CDKN2B-AS1: variants seen among roughly 807,000 people sequenced by gnomAD.
CDKN2B-AS1 encodes the protein CDKN2B and CDKN2A antisense cis and trans regulatory RNA 1.
intron 1 of CDKN2B-AS1, among the ~76,000 whole-genome samples, chr9:22,017,772 C>G (rs1407111364): frequency 6.7e-6 from 1 of 149,676 alleles, no homozygotes; most frequent in Non-Finnish European, 1.5e-5. Flanking sequence ...AACAAAGGAA[C>G]CTTTTAAAGT....
rs1820645139 is a variant in CDKN2B-AS1 at position 21,995,824 on chromosome 9, C to T, written n.29+663C>T. On this transcript the variant is annotated intron_variant and non_coding_transcript_variant, in intron 1 of 4. Coordinates refer to ENST00000650946, the Ensembl canonical transcript of CDKN2B-AS1. This position sits in a 1 kb window ranked among gnomAD's most constrained non-coding sequence, Gnocchi z 5.7. ...GCGGGAAGTCGAGCCCAGGACGCCG[C>T]CTTCAGGCCGGCGCGCTGACCCGGT... The T allele has an allele frequency of 6.6e-6, 1 of 152,270 alleles. No homozygotes were observed. The highest frequency in any genetic ancestry group is 1.5e-5 in the Non-Finnish European group (1 of 68,100). 9.4% of individuals were successfully genotyped at this position (152,270 alleles called of 1,614,324 possible).
chr9:22,111,262 A>T (rs1199637525), intron 4 of CDKN2B-AS1, among the ~76,000 whole-genome samples: 5 of 152,154 alleles, frequency 3.3e-5, no homozygotes, highest in African/African-American at 4.8e-5. Flanking sequence ...TGTCAGAGTG[A>T]GTTGGTGGTG....
rs922916602 is a variant in CDKN2B-AS1 at position 22,089,586 on chromosome 9, A to G, written n.438+33199A>G. 3.3e-5 allele frequency among the ~76,000 whole-genome samples: 5 copies of G among 152,052 alleles called. 1 individual carries two copies. In the South Asian group the frequency reaches 1.0e-3, roughly 32 times the overall value. On this transcript the variant is annotated intron_variant and non_coding_transcript_variant, in intron 4 of 4. Coordinates refer to ENST00000650946, the Ensembl canonical transcript of CDKN2B-AS1. ...ACTGGGACTATAGGCACATGCCACC[A>G]TGCCTGGCTAATATCTCTCTTTTCT...
chr9:22,055,433 A>G (rs1224812895), intron 3 of CDKN2B-AS1, among the ~76,000 whole-genome samples: 1 of 152,202 alleles, frequency 6.6e-6, no homozygotes, highest in East Asian at 1.9e-4. Context: ...CATTTTCTTA[A>G]TGAAGATCTG....
chr9:22,112,428 A>G (rs7341791), intron 4 of CDKN2B-AS1: 97,882 of 152,068 alleles, frequency 0.64, 33,593 homozygotes, highest in African/African-American at 0.9. Flanking sequence ...TTCTGTTGAA[A>G]AGTCAAAAAT....
intron 4 of CDKN2B-AS1, among the ~76,000 whole-genome samples, chr9:22,100,831 G>A (rs899846531): frequency 6.6e-6 from 1 of 152,088 alleles, no homozygotes; most frequent in Non-Finnish European, 1.5e-5. Context: ...TGTCTTTTTG[G>A]CAGACTTAAG....
At chr9:22,020,950 G>T (rs1309733414) in intron 1 of CDKN2B-AS1, among the ~76,000 whole-genome samples, 2 of 152,026 alleles carry the variant, frequency 1.3e-5, no homozygotes, top group South Asian at 4.1e-4. Flanking sequence ...ATCTTTGCCT[G>T]TACCTATGTT....
chr9:22,083,222 C>T (rs1824758701), intron 4 of CDKN2B-AS1, among the ~76,000 whole-genome samples: 1 of 152,074 alleles, frequency 6.6e-6, no homozygotes, highest in Non-Finnish European at 1.5e-5. Context: ...AGGCTATAGA[C>T]CTGGTAATTA....
intron 1 of CDKN2B-AS1, among the ~76,000 whole-genome samples, chr9:22,037,634 A>G (rs1056907034): frequency 2.6e-5 from 4 of 152,088 alleles, no homozygotes; most frequent in Non-Finnish European, 2.9e-5. Flanking sequence ...TGACACTTCA[A>G]GACATTTTCC....
intron 1 of CDKN2B-AS1, among the ~76,000 whole-genome samples, chr9:22,034,397 G>C (rs1041311647): frequency 1.3e-5 from 2 of 152,106 alleles, no homozygotes; most frequent in Admixed American, 1.3e-4. Context: ...TTCTGCCTTA[G>C]GTGTTTACTT....
At chr9:22,028,918 A>G (rs1822350731) in intron 1 of CDKN2B-AS1, among the ~76,000 whole-genome samples, 1 of 152,212 alleles carries the variant, frequency 6.6e-6, no homozygotes, top group African/African-American at 2.4e-5. Flanking sequence ...CCATATTACT[A>G]TGAAACACAG....
At position 22,108,649 on chromosome 9, in the gene CDKN2B-AS1, T is replaced by C. The variant is rs1825722864; in HGVS notation, n.439-18454T>C. On this transcript the variant is annotated intron_variant and non_coding_transcript_variant, in intron 4 of 4. Transcript: ENST00000650946. ...AATACTTGGTGTACAACTCATCCTTTTCATTTACAAAGAAACAAATTTGAG... is the reference window on the plus strand; with the variant it reads ...AATACTTGGTGTACAACTCATCCTTCTCATTTACAAAGAAACAAATTTGAG... Among the ~76,000 whole-genome samples, 4 of 152,204 alleles carry C rather than the reference T, an allele frequency of 2.6e-5. No homozygotes were observed. In the South Asian group the frequency reaches 8.3e-4, roughly 32 times the overall value.
intron 1 of CDKN2B-AS1, among the ~76,000 whole-genome samples, chr9:22,002,491 TACTG>T (rs531511664): frequency 1.2e-3 from 179 of 151,896 alleles, no homozygotes; most frequent in Non-Finnish European, 1.4e-3. Flanking sequence ...AAAAAAACCC[TACTG>T]ACTATTACAT....
intron 4 of CDKN2B-AS1, among the ~76,000 whole-genome samples, chr9:22,065,476 T>C (rs993288532): frequency 2.0e-5 from 3 of 152,208 alleles, no homozygotes; most frequent in Non-Finnish European, 2.9e-5. Flanking sequence ...CTAACCAAGA[T>C]GTATTAATAC....
rs2811713 is a variant in CDKN2B-AS1, at chr9:21,999,329, G to A, written n.29+4168G>A. ...ACTATATAGTATATATAGTTCATAT[G>A]TATGTTATATGTTTGTGTATATATC... is the stretch of plus-strand genomic sequence containing the variant. On this transcript the variant is annotated intron_variant and non_coding_transcript_variant, in intron 1 of 4. Transcript: ENST00000650946. This position sits in a 1 kb window ranked among gnomAD's most constrained non-coding sequence, Gnocchi z 4.7. Among the ~76,000 whole-genome samples the A allele has an allele frequency of 0.26, 39,610 of 150,872 alleles. 6,752 individuals carry two copies. The highest frequency in any genetic ancestry group is 0.38 in the Non-Finnish European group (25,977 of 67,682).
At chr9:22,098,285 T>A (rs76108964) in intron 4 of CDKN2B-AS1, among the ~76,000 whole-genome samples, 90 of 151,652 alleles carry the variant, frequency 5.9e-4, no homozygotes, top group Non-Finnish European at 5.9e-4. Context: ...ATATATCACA[T>A]GTATTTATAT....
intron 4 of CDKN2B-AS1, among the ~76,000 whole-genome samples, chr9:22,086,610 A>G (rs1417774697): frequency 6.6e-6 from 1 of 152,232 alleles, no homozygotes; most frequent in Non-Finnish European, 1.5e-5. Flanking sequence ...CTTAAAAACA[A>G]TAACAGTAAC....
intron 4 of CDKN2B-AS1, chr9:22,092,179 A>T (rs918137640): frequency 6.6e-6 from 1 of 152,142 alleles, no homozygotes; most frequent in African/African-American, 2.4e-5. Context: ...AGCCCACTTG[A>T]TCATGGTGGA....
chr9:22,027,480 A>G (rs1393463340), intron 1 of CDKN2B-AS1, among the ~76,000 whole-genome samples: 1 of 152,342 alleles, frequency 6.6e-6, no homozygotes, highest in East Asian at 1.9e-4. Context: ...GTCTCTCGAA[A>G]ATTTTTCTCT....
Sources: allele counts gnomAD v4.1 joint callset (sites outside exome capture counted in the v4.1 genomes callset), GRCh38; gene constraint gnomAD v4.1.1; non-coding constraint Gnocchi (gnomAD v3.1); transcripts MANE v1.5; gene names NCBI Gene and HGNC (gene_info 2026-07-23, HGNC 2026-07-21).